Variants in TRMU observed in about 807,000 individuals in gnomAD.
The protein encoded by TRMU is mitochondrial tRNA-specific 2-thiouridylase 1.
Under a neutral mutation model 46.9 loss-of-function variants are expected in TRMU, and 49 were observed. That is an observed-to-expected ratio of 1.05 (90% CI 0.83 to 1.33). The LOEUF (loss-of-function observed/expected upper bound fraction) is 1.33. TRMU is among the 40% of genes most tolerant of loss of function. TRMU has a pLI of 0.00. For missense variants in TRMU, 572 were observed against 532.4 expected (o/e 1.07, Z -0.73); for synonymous variants, 241 against 200.9 (o/e 1.20, Z -1.69).
rs554669262 is a variant in TRMU at position 46,336,661 on chromosome 22, T to G, written c.82+815T>G. ...TACTGATGAGTACGTGCTCAGCACA[T>G]ACGAGGTACGCAGAAAACAGTAGTG... On this transcript the variant is annotated intron_variant, in intron 1 of 10. Transcript: ENST00000645190. The surrounding 1 kb of genome is among the most constrained non-coding windows in gnomAD (Gnocchi z 4.1). The G allele has an allele frequency of 6.6e-6, 1 of 152,354 alleles. No homozygotes were observed. The highest frequency in any genetic ancestry group is 6.5e-5 in the Admixed American group (1 of 15,300). The allele number at this position is 152,354 out of a possible 1,614,324, so 9.4% of individuals were successfully genotyped here.
chr22:46,337,210 C>T lies in TRMU; in HGVS notation c.83-569C>T, dbSNP rs143409037. On this transcript the variant is annotated intron_variant, in intron 1 of 10. Coordinates refer to ENST00000645190, the MANE Select transcript of TRMU (RefSeq NM_018006.5). ...GCCTACCTAAACGAACCAGCTTTCT[C>T]ATACAGGGTCTGCACCTGTGTAGTT... Among the ~76,000 whole-genome samples the T allele has an allele frequency of 1.0e-3, 155 of 152,314 alleles. No homozygotes were observed. In the Middle Eastern group the frequency reaches 0.017, roughly 17 times the overall value.
Position 46,339,977 on chromosome 22 carries a change from C to G in TRMU, c.248+2033C>G, listed in dbSNP as rs1365617931. Among the ~76,000 whole-genome samples the G allele has an allele frequency of 6.6e-6, 1 of 150,936 alleles. No individual in the cohort carries two copies. Among genetic ancestry groups the G allele is most frequent in the East Asian group, 1.9e-4 (1 of 5,166 alleles). On this transcript the variant is annotated intron_variant, in intron 2 of 10. Transcript: ENST00000645190. This position sits in a 1 kb window ranked among gnomAD's most constrained non-coding sequence, Gnocchi z 4.8. ...TGTGGCGGCCAAATACAGGATAAATCTGGGGGAAGACCAAAGGCAGAGAGT... is the reference window on the plus strand; with the variant it reads ...TGTGGCGGCCAAATACAGGATAAATGTGGGGGAAGACCAAAGGCAGAGAGT...
At chr22:46,354,217 G>A (rs764324673) in intron 8 of TRMU, 175 of 333,258 alleles carry the variant, frequency 5.3e-4, no homozygotes, top group African/African-American at 3.5e-3. Context: ...GCCCACCATG[G>A]TAGGATCCAG....
rs1279252020 is a variant in TRMU at position 46,353,795 on chromosome 22, A to G, written c.801A>G (p.Arg267=). Reference sequence around the variant, plus strand: ...GGTTCCTGTATACCTTGGGCCAGAGAGCAAACATAGGTGGCCTGAGAGAGC... The same window carrying G: ...GGTTCCTGTATACCTTGGGCCAGAGGGCAAACATAGGTGGCCTGAGAGAGC... The part of the protein sequence containing the change: ...KGWFLYTLGQ[R]ANIGGLREPW... Residue 267 remains arginine (R), a synonymous_variant, in exon 8 of 11, where the codon AGA becomes AGG. Transcript: ENST00000645190. 1 of 1,613,898 alleles carries G rather than the reference A, an allele frequency of 6.2e-7. No individual in the cohort carries two copies. Among genetic ancestry groups the G allele is most frequent in the East Asian group, 2.2e-5 (1 of 44,868 alleles).
At chr22:46,353,296 G>A (rs529166459) in intron 7 of TRMU, 20 of 215,128 alleles carry the variant, frequency 9.3e-5, no homozygotes, top group Non-Finnish European at 1.8e-4. Context: ...GTGCCCCACT[G>A]CAGGGGAGGG....
rs79580966 is a variant in TRMU, at chr22:46,352,631, C to G, written c.772+301C>G. ...AAGTCCCTGTAAAAAGAATGATTTCCTTCCTGTGTAAGGAAAATGTTAAAC... is the reference window on the plus strand; with the variant it reads ...AAGTCCCTGTAAAAAGAATGATTTCGTTCCTGTGTAAGGAAAATGTTAAAC... On this transcript the variant is annotated intron_variant, in intron 7 of 10. Coordinates refer to ENST00000645190, the MANE Select transcript of TRMU (RefSeq NM_018006.5). 8.1e-4 allele frequency: 395 copies of G among 488,116 alleles called. 1 individual carries two copies. Among genetic ancestry groups the G allele is most frequent in the Non-Finnish European group, 1.2e-3 (324 of 266,346 alleles). The allele number at this position is 488,116 out of a possible 1,614,324, so 30.2% of individuals were successfully genotyped here.
chr22:46,347,732 G>A lies in TRMU; in HGVS notation c.478+1188G>A, dbSNP rs534643834. Among the ~76,000 whole-genome samples, 147 of 152,188 alleles carry A rather than the reference G, an allele frequency of 9.7e-4. No individual in the cohort carries two copies. Among genetic ancestry groups the A allele is most frequent in the Non-Finnish European group, 1.6e-3 (108 of 68,032 alleles). On this transcript the variant is annotated intron_variant, in intron 4 of 10. Coordinates refer to ENST00000645190, the MANE Select transcript of TRMU (RefSeq NM_018006.5). This position sits in a 1 kb window ranked among gnomAD's most constrained non-coding sequence, Gnocchi z 5.0. ...TTCACAGATGAGGAAACCGAGGCCC[G>A]GATGAAGCCATCTGACCTGGGTCCC...
Position 46,336,877 on chromosome 22 carries a change from G to T in TRMU, c.83-902G>T, listed in dbSNP as rs1322029875. 6.6e-6 allele frequency among the ~76,000 whole-genome samples: 1 copy of T among 152,106 alleles called. No homozygotes were observed. Among genetic ancestry groups the T allele is most frequent in the East Asian group, 1.9e-4 (1 of 5,184 alleles). On this transcript the variant is annotated intron_variant, in intron 1 of 10. Coordinates refer to ENST00000645190, the MANE Select transcript of TRMU (RefSeq NM_018006.5). The surrounding 1 kb of genome is among the most constrained non-coding windows in gnomAD (Gnocchi z 4.1). ...GTCACTAAGCAGAGACTTGGAGGTG[G>T]AGGCGGCCCTCCCGGCACAGTCAGC...
intron 3 of TRMU, among the ~76,000 whole-genome samples, chr22:46,344,045 A>G (rs1601950222): frequency 6.6e-6 from 1 of 152,352 alleles, no homozygotes; most frequent in East Asian, 1.9e-4. Context: ...AAAAATCAAA[A>G]AGAAAAATCT....
chr22:46,337,709 C>T (rs1317577187), intron 1 of TRMU, 70 bp from the exon 2 acceptor site: 2 of 1,589,118 alleles, frequency 1.3e-6, no homozygotes, highest in Non-Finnish European at 1.7e-6. Flanking sequence ...CTTCTCAGAG[C>T]TCAGAAATCA....
chr22:46,337,711 C>T lies in TRMU; in HGVS notation c.83-68C>T. 3 of 1,594,076 alleles carry T rather than the reference C, an allele frequency of 1.9e-6. No homozygotes were observed. The South Asian group carries it at 3.4e-5, about 18-fold the overall frequency. Reference sequence around the variant, plus strand: ...AGCGTGTGGGGAACTTCTCAGAGCTCAGAAATCACTGCCGTTTTACCGAAG... The same window carrying T: ...AGCGTGTGGGGAACTTCTCAGAGCTTAGAAATCACTGCCGTTTTACCGAAG... On this transcript the variant is annotated intron_variant, in intron 1 of 10. Coordinates refer to ENST00000645190, the MANE Select transcript of TRMU (RefSeq NM_018006.5).
In TRMU at chr22:46,355,550, T is replaced by A. The variant is rs770559905; in HGVS notation, c.980T>A (p.Met327Lys). Residue 327 changes from methionine (M) to lysine (K), a missense_variant, in exon 9 of 11, where the codon ATG becomes AAG. By Grantham distance (95) the Met-to-Lys change is moderately conservative (BLOSUM62 -1). Coordinates refer to ENST00000645190, the MANE Select transcript of TRMU (RefSeq NM_018006.5). ...GCAGCACTGGTCCGGGACAAGATGA[T>A]GGAGTGCCACTTCCGATTCCGCCAC... is the stretch of plus-strand genomic sequence containing the variant. ...PPAALVRDKM[M>K]ECHFRFRHQM... 1.9e-6 allele frequency: 3 copies of A among 1,613,200 alleles called. No individual in the cohort carries two copies. The African/African-American group carries it at 4.0e-5, about 22-fold the overall frequency.
At position 46,347,301 on chromosome 22, in the gene TRMU, CTG is replaced by C. The variant is rs1179412500; in HGVS notation, c.478+758_478+759del. On this transcript the variant is annotated intron_variant, in intron 4 of 10. Transcript: ENST00000645190. The surrounding 1 kb of genome is among the most constrained non-coding windows in gnomAD (Gnocchi z 5.0). ...CCCGCCATCTGGGGAATAGGGGTCT[CTG>C]GGGCTGGGGCAGGGCTTTACATACA... 6 of 152,102 alleles carry C rather than the reference CTG, an allele frequency of 3.9e-5. No homozygotes were observed. Among genetic ancestry groups the C allele is most frequent in the African/African-American group, 1.4e-4 (6 of 41,404 alleles). The allele number at this position is 152,102 out of a possible 1,614,324, so 9.4% of individuals were successfully genotyped here.
chr22:46,349,849 T>G lies in TRMU; in HGVS notation c.479-442T>G, dbSNP rs973532119. ...AGTGAACCTGGAAAGTGTAGAGTCC[T>G]TGAAACCACTGTGGCACGAACACAT... On this transcript the variant is annotated intron_variant, in intron 4 of 10. Coordinates refer to ENST00000645190, the MANE Select transcript of TRMU (RefSeq NM_018006.5). This position sits in a 1 kb window ranked among gnomAD's most constrained non-coding sequence, Gnocchi z 4.6. Among the ~76,000 whole-genome samples, 1 of 152,210 alleles carries G rather than the reference T, an allele frequency of 6.6e-6. No homozygotes were observed. The highest frequency in any genetic ancestry group is 2.4e-5 in the African/African-American group (1 of 41,446).
chr22:46,354,960 C>A (rs892821234), intron 8 of TRMU: 19 of 206,664 alleles, frequency 9.2e-5, no homozygotes, highest in African/African-American at 4.4e-4. Context: ...TCCTGGGGCA[C>A]CTGTGGGAAG....
chr22:46,345,905 C>G (rs1187139631), intron 3 of TRMU, among the ~76,000 whole-genome samples: 3 of 151,948 alleles, frequency 2.0e-5, no homozygotes, highest in Non-Finnish European at 2.9e-5. Flanking sequence ...GTGGCTGGGA[C>G]TACAGGTGTG....
chr22:46,352,208 C>T, intron 6 of TRMU, 34 bp downstream of exon 6: 1 of 1,614,100 alleles, frequency 6.2e-7, no homozygotes, highest in Non-Finnish European at 8.5e-7. Flanking sequence ...AGAGATGGGG[C>T]TGCGTGTCTG....
rs1476446131 is a variant in TRMU at position 46,348,095 on chromosome 22, C to T, written c.478+1551C>T. Among the ~76,000 whole-genome samples the T allele has an allele frequency of 6.6e-6, 1 of 151,808 alleles. No homozygotes were observed. The highest frequency in any genetic ancestry group is 1.5e-5 in the Non-Finnish European group (1 of 67,910). On this transcript the variant is annotated intron_variant, in intron 4 of 10. Transcript: ENST00000645190. The surrounding 1 kb of genome is among the most constrained non-coding windows in gnomAD (Gnocchi z 4.8). ...ATGCAGATAAGACAGCCCCCCATTT[C>T]AGGAAGACATGGGTTGGAATGCAGA...
chr22:46,352,624 T>C (rs2078467039), intron 7 of TRMU: 11 of 508,948 alleles, frequency 2.2e-5, no homozygotes, highest in Non-Finnish European at 3.2e-5. Context: ...GTAAAAAGAA[T>C]GATTTCCTTC....
Sources: allele counts gnomAD v4.1 joint callset (sites outside exome capture counted in the v4.1 genomes callset), GRCh38; gene constraint gnomAD v4.1.1; non-coding constraint Gnocchi (gnomAD v3.1); transcripts MANE v1.5; gene names NCBI Gene and HGNC (gene_info 2026-07-23, HGNC 2026-07-21).